GRHL2: variants seen among roughly 807,000 people sequenced by gnomAD.
GRHL2 encodes the protein grainyhead-like protein 2 homolog.
Under a neutral mutation model 83.8 loss-of-function variants are expected in GRHL2, and 21 were observed. The ratio of observed to expected loss-of-function variants is 0.25; its 90% CI spans 0.18 to 0.36. GRHL2 has a LOEUF of 0.36. Ranked by LOEUF, GRHL2 falls within the 10% of genes least tolerant of loss-of-function variation. The pLI is 1.00. For synonymous variants in GRHL2, 280 were observed against 278.9 expected, an observed-to-expected ratio of 1.00 and a Z score of -0.04; for missense variants, 623 against 781.8, an observed-to-expected ratio of 0.80 and a Z score of 2.42.
intron 1 of GRHL2, among the ~76,000 whole-genome samples, chr8:101,512,681 G>A (rs1212906108): frequency 1.3e-5 from 2 of 152,158 alleles, no homozygotes; most frequent in African/African-American, 2.4e-5. Context: ...CACCATGTTG[G>A]CCAGGCTGTG....
downstream of GRHL2, among the ~76,000 whole-genome samples, chr8:101,670,050 C>T (rs543694689): frequency 1.3e-5 from 2 of 152,196 alleles, no homozygotes; most frequent in South Asian, 4.1e-4. Flanking sequence ...CACTCGCCCG[C>T]CCTTGAATTC....
intron 4 of GRHL2, among the ~76,000 whole-genome samples, chr8:101,569,085 C>G (rs1216161102): frequency 6.6e-6 from 1 of 152,154 alleles, no homozygotes; most frequent in African/African-American, 2.4e-5. Flanking sequence ...GGAAGGTTAT[C>G]TCTTAGGAAG....
the GRHL2 span, among the ~76,000 whole-genome samples, chr8:101,674,957 C>CCA: frequency 2.0e-5 from 3 of 152,212 alleles, no homozygotes; most frequent in South Asian, 6.3e-4. Flanking sequence ...AGGACAAAAA[C>CCA]CACATGATTA....
chr8:101,619,442 GGTT>G lies in GRHL2; in HGVS notation c.1099-93_1099-91del. ...AAATATTCTTCAGTTGTCTTTATGGGGTTGTTTAGTATTTTGACTTAAAGTCTA... is the reference window on the plus strand; with the variant it reads ...AAATATTCTTCAGTTGTCTTTATGGGGTTTAGTATTTTGACTTAAAGTCTA... On this transcript the variant is annotated intron_variant, in intron 8 of 15. Coordinates refer to ENST00000646743, the MANE Select transcript of GRHL2 (RefSeq NM_024915.4). 4 of 972,320 alleles carry G rather than the reference GGTT, an allele frequency of 4.1e-6. No homozygotes were observed. In the East Asian group the frequency reaches 9.6e-5, roughly 23 times the overall value. 60.2% of individuals were successfully genotyped at this position (972,320 alleles called of 1,614,324 possible).
chr8:101,645,606 G>A (rs148454748), intron 13 of GRHL2, among the ~76,000 whole-genome samples: 2,182 of 152,110 alleles, frequency 0.014, 60 homozygotes, highest in African/African-American at 0.05. Context: ...GCTCCTCGGC[G>A]TCCTCATCTG....
intron 4 of GRHL2, among the ~76,000 whole-genome samples, chr8:101,561,687 C>T (rs1811611082): frequency 6.6e-6 from 1 of 152,138 alleles, no homozygotes. Context: ...TGAATTTTTG[C>T]CATTAGTTAT....
intron 12 of GRHL2, among the ~76,000 whole-genome samples, chr8:101,637,318 G>T (rs1813308447): frequency 6.6e-6 from 1 of 152,176 alleles, no homozygotes; most frequent in African/African-American, 2.4e-5. Flanking sequence ...AAGAGTCAAA[G>T]ATGACAGCCT....
intron 1 of GRHL2, among the ~76,000 whole-genome samples, chr8:101,538,472 C>A (rs977774333): frequency 6.6e-6 from 1 of 152,144 alleles, no homozygotes. Flanking sequence ...ATGGCCTTAG[C>A]CTTGCTGTGA....
chr8:101,557,746 G>A (rs976226307), intron 3 of GRHL2, among the ~76,000 whole-genome samples: 1 of 152,092 alleles, frequency 6.6e-6, no homozygotes, highest in African/African-American at 2.4e-5. Context: ...AGGTCAGTAG[G>A]ATGTGCTGCA....
intron 4 of GRHL2, among the ~76,000 whole-genome samples, chr8:101,560,778 A>T (rs1256806096): frequency 6.6e-6 from 1 of 152,134 alleles, no homozygotes; most frequent in Non-Finnish European, 1.5e-5. Context: ...TCATGTACTT[A>T]TTTGGCCCTT....
At chr8:101,541,723 G>C (rs1811157767) in intron 1 of GRHL2, among the ~76,000 whole-genome samples, 1 of 152,070 alleles carries the variant, frequency 6.6e-6, no homozygotes, top group African/African-American at 2.4e-5. Flanking sequence ...ACCTCTGCAG[G>C]CTCTGTTATT....
intron 6 of GRHL2, among the ~76,000 whole-genome samples, chr8:101,574,121 A>T (rs16867839): frequency 2.0e-5 from 3 of 152,062 alleles, no homozygotes; most frequent in Non-Finnish European, 4.4e-5. Context: ...TTTTCAATCA[A>T]TTGATCTTAA....
chr8:101,499,827 C>T (rs1810186467), intron 1 of GRHL2, among the ~76,000 whole-genome samples: 1 of 152,038 alleles, frequency 6.6e-6, no homozygotes, highest in South Asian at 2.1e-4. Flanking sequence ...CCTGTAATCC[C>T]AGCACTTTGG....
intron 12 of GRHL2, among the ~76,000 whole-genome samples, chr8:101,643,420 G>T (rs143746693): frequency 1.4e-5 from 2 of 145,912 alleles, no homozygotes; most frequent in South Asian, 2.2e-4. Flanking sequence ...TAGGGCACCC[G>T]GGAGACTAAG....
intron 1 of GRHL2, among the ~76,000 whole-genome samples, chr8:101,542,511 C>T (rs1811174350): frequency 6.6e-6 from 1 of 150,950 alleles, no homozygotes; most frequent in Non-Finnish European, 1.5e-5. Flanking sequence ...CGAGATTGCA[C>T]CATTGCACTC....
At chr8:101,664,831 T>C (rs1429863885) in intron 15 of GRHL2, among the ~76,000 whole-genome samples, 1 of 151,056 alleles carries the variant, frequency 6.6e-6, no homozygotes, top group African/African-American at 2.4e-5. Flanking sequence ...CTGCAGGGAG[T>C]GGAGTTTATA....
At chr8:101,622,518 T>C (rs1480517533) in intron 9 of GRHL2, among the ~76,000 whole-genome samples, 1 of 152,130 alleles carries the variant, frequency 6.6e-6, no homozygotes, top group Admixed American at 6.5e-5. Flanking sequence ...CATCGTACAA[T>C]TATTTTAAAA....
intron 7 of GRHL2, among the ~76,000 whole-genome samples, chr8:101,578,020 AAAG>A (rs1369747300): frequency 6.6e-6 from 1 of 152,194 alleles, no homozygotes; most frequent in Non-Finnish European, 1.5e-5. Flanking sequence ...TGAACCATTT[AAAG>A]AAGGAGTGAA....
In GRHL2 at chr8:101,533,141, C is replaced by CT. The variant is rs200699125; in HGVS notation, c.21-10090dup. Among the ~76,000 whole-genome samples the CT allele has an allele frequency of 5.1e-3, 759 of 148,382 alleles. 5 individuals are homozygous for CT. Among genetic ancestry groups the CT allele is most frequent in the African/African-American group, 0.015 (612 of 40,570 alleles). On this transcript the variant is annotated intron_variant, in intron 1 of 15. Transcript: ENST00000646743. ...AGGAGAATAGAAGAATGAATCTCCA[C>CT]TTTTTTTTTTAAATTTGAAGGGGAG...
Sources: allele counts gnomAD v4.1 joint callset (sites outside exome capture counted in the v4.1 genomes callset), GRCh38; gene constraint gnomAD v4.1.1; transcripts MANE v1.5; gene names NCBI Gene and HGNC (gene_info 2026-07-23, HGNC 2026-07-21).